Variants in BNC2 observed in about 807,000 individuals in gnomAD.
The protein encoded by BNC2 is basonuclin zinc finger protein 2.
A neutral mutation model predicts 76.3 loss-of-function variants in BNC2; 20 were observed. The ratio of observed to expected loss-of-function variants is 0.26; its 90% CI spans 0.18 to 0.38. BNC2 has a LOEUF of 0.38. BNC2 is among the 10% of genes least tolerant of loss of function. The pLI, the probability that BNC2 is intolerant of heterozygous loss-of-function variation, is 1.00. For synonymous variants in BNC2, 582 were observed against 514.8 expected, an observed-to-expected ratio of 1.13 and a Z score of -1.77; for missense variants, 1,382 against 1,399.8, an observed-to-expected ratio of 0.99 and a Z score of 0.20.
chr9:16,606,649 CCAGCCTCAAGCAATTCTCCAGCCT>C (rs1820394595), intron 3 of BNC2, among the ~76,000 whole-genome samples: 1 of 152,048 alleles, frequency 6.6e-6, no homozygotes. Flanking sequence ...TTCTCCAGCC[CCAGCCTCAAGCAATTCTCCAGCCT>C]CAGCCTCCCG....
chr9:16,614,958 T>TTAAAAAAAAAA (rs1820655766), intron 3 of BNC2, among the ~76,000 whole-genome samples: 1 of 62,520 alleles, frequency 1.6e-5, no homozygotes, highest in African/African-American at 6.6e-5. Context: ...TCTGTCTCTT[T>TTAAAAAAAAAA]AAAAAAAAAA....
chr9:16,849,352 A>AC (rs1819069013), intron 1 of BNC2, among the ~76,000 whole-genome samples: 3 of 90,084 alleles, frequency 3.3e-5, no homozygotes, highest in Non-Finnish European at 6.0e-5. Flanking sequence ...CATGCAAAAG[A>AC]TTTTTTTTTT....
At chr9:16,853,682 C>T (rs570297673) in intron 1 of BNC2, among the ~76,000 whole-genome samples, 1 of 152,136 alleles carries the variant, frequency 6.6e-6, no homozygotes, top group East Asian at 1.9e-4. Flanking sequence ...GCCTGGCCAA[C>T]ATGGTGAAAC....
At chr9:16,518,565 CAT>C (rs558357472) in intron 5 of BNC2, among the ~76,000 whole-genome samples, 1 of 138,830 alleles carries the variant, frequency 7.2e-6, no homozygotes. Context: ...GTGCAAAAGT[CAT>C]ATATATATAT....
At chr9:16,440,198 CT>C (rs1280886953) in intron 5 of BNC2, among the ~76,000 whole-genome samples, 1 of 152,098 alleles carries the variant, frequency 6.6e-6, no homozygotes, top group Non-Finnish European at 1.5e-5. Flanking sequence ...GTTGTTAAGG[CT>C]GTCAAGATAC....
intron 4 of BNC2, chr9:16,580,202 G>A: frequency 5.0e-6 from 2 of 398,386 alleles, no homozygotes; most frequent in East Asian, 7.1e-5. Flanking sequence ...GGCAAAAAGA[G>A]TGGGTGCTGT....
intron 5 of BNC2, among the ~76,000 whole-genome samples, chr9:16,445,236 A>G (rs896824851): frequency 3.9e-5 from 6 of 152,234 alleles, no homozygotes; most frequent in Admixed American, 1.3e-4. Context: ...CATTAAACAC[A>G]TATTTCTTGC....
intron 5 of BNC2, among the ~76,000 whole-genome samples, chr9:16,490,568 A>G (rs1423349837): frequency 6.6e-6 from 1 of 152,118 alleles, no homozygotes; most frequent in Non-Finnish European, 1.5e-5. Flanking sequence ...ACGTCTATGT[A>G]TCTGTGTGGG....
intron 5 of BNC2, among the ~76,000 whole-genome samples, chr9:16,454,847 A>G (rs1821414025): frequency 6.6e-6 from 1 of 152,236 alleles, no homozygotes; most frequent in Non-Finnish European, 1.5e-5. Flanking sequence ...ATTTTCTAAT[A>G]CAAGTAAATA....
chr9:16,535,626 TC>T (rs1818108257), intron 5 of BNC2, among the ~76,000 whole-genome samples: 1 of 152,104 alleles, frequency 6.6e-6, no homozygotes, highest in Admixed American at 6.5e-5. Flanking sequence ...GGCTCAGGAC[TC>T]CTTAGTTCCA....
Position 16,409,536 on chromosome 9 carries a change from T to G in BNC2, c.*9453A>C, listed in dbSNP as rs572880463. 4 of 152,714 alleles carry G rather than the reference T, an allele frequency of 2.6e-5. 1 individual carries two copies. The South Asian group carries it at 8.3e-4, about 32-fold the overall frequency. 9.5% of individuals were successfully genotyped at this position (152,714 alleles called of 1,614,324 possible). A position where few individuals can be genotyped will look rare whatever the true frequency, so the allele number is the denominator to read the frequency against. ...TGATAAATCTTTAATATAAAAATTG[T>G]ACAAGAATTTTGATACAAATTACAA... On this transcript the variant is annotated 3_prime_UTR_variant, in exon 7 of 7. Transcript: ENST00000380672.
intron 3 of BNC2, among the ~76,000 whole-genome samples, chr9:16,678,975 T>C (rs969412469): frequency 2.0e-5 from 3 of 152,188 alleles, no homozygotes; most frequent in South Asian, 2.1e-4. Context: ...TTGTTTTTAA[T>C]AGCAAGAAAA....
At chr9:16,428,821 GCT>G (rs1334889110) in intron 6 of BNC2, among the ~76,000 whole-genome samples, 2 of 152,142 alleles carry the variant, frequency 1.3e-5, no homozygotes, top group Non-Finnish European at 2.9e-5. Flanking sequence ...AGGTGTAACA[GCT>G]TTTTACCAGG....
At chr9:16,761,453 T>C (rs770012166) in intron 1 of BNC2, among the ~76,000 whole-genome samples, 4 of 152,252 alleles carry the variant, frequency 2.6e-5, no homozygotes, top group Non-Finnish European at 5.9e-5. Context: ...TATAATTGTA[T>C]TCTTCCTCTT....
intron 5 of BNC2, among the ~76,000 whole-genome samples, chr9:16,492,408 C>T (rs1822297118): frequency 6.6e-6 from 1 of 152,178 alleles, no homozygotes; most frequent in African/African-American, 2.4e-5. Flanking sequence ...TCTATATTTT[C>T]AGCTAAAAAT....
intron 3 of BNC2, among the ~76,000 whole-genome samples, chr9:16,610,712 C>T (rs1048645811): frequency 7.2e-5 from 11 of 152,292 alleles, no homozygotes; most frequent in Admixed American, 2.0e-4. Context: ...AAACGCAACA[C>T]TCAGAAGATC....
At chr9:16,458,558 T>C (rs1430541214) in intron 5 of BNC2, among the ~76,000 whole-genome samples, 2 of 152,206 alleles carry the variant, frequency 1.3e-5, no homozygotes, top group Non-Finnish European at 2.9e-5. Flanking sequence ...CATGAGATAA[T>C]TTAGGGAGAG....
chr9:16,707,149 C>G (rs1205289615), intron 3 of BNC2, among the ~76,000 whole-genome samples: 1 of 151,898 alleles, frequency 6.6e-6, no homozygotes, highest in Non-Finnish European at 1.5e-5. Flanking sequence ...TTGCAGTGAG[C>G]TGAGATCGCG....
intron 5 of BNC2, among the ~76,000 whole-genome samples, chr9:16,543,542 A>C (rs992272369): frequency 6.6e-6 from 1 of 152,172 alleles, no homozygotes; most frequent in Non-Finnish European, 1.5e-5. Context: ...TTCATGTCCC[A>C]CAGGCGCAAA....
Sources: allele counts gnomAD v4.1 joint callset (sites outside exome capture counted in the v4.1 genomes callset), GRCh38; gene constraint gnomAD v4.1.1; transcripts MANE v1.5; gene names NCBI Gene and HGNC (gene_info 2026-07-23, HGNC 2026-07-21).